The following CADM1 variants were observed in gnomAD, a reference collection of about 807,000 sequenced individuals.
CADM1 encodes TSLC-1.
CADM1 carries 15 observed loss-of-function variants against 53.1 expected under a neutral mutation model. The ratio of observed to expected loss-of-function variants is 0.28; its 90% CI spans 0.19 to 0.44. The LOEUF (loss-of-function observed/expected upper bound fraction) is 0.44, where lower values mean the gene tolerates loss of function less well. Ranked by LOEUF, CADM1 falls within the 20% of genes least tolerant of loss-of-function variation. CADM1 has a pLI of 1.00. For synonymous variants in CADM1, 281 were observed against 243.0 expected (o/e 1.16, Z -1.45); for missense variants, 434 against 611.3 (o/e 0.71, Z 3.06).
Position 115,227,570 on chromosome 11 carries a change from A to C in CADM1, c.721+1543T>G, listed in dbSNP as rs117364317. On this transcript the variant is annotated intron_variant, in intron 5 of 11. Coordinates refer to ENST00000331581, the MANE Select transcript of CADM1 (RefSeq NM_001301043.2). ...GCTTAAATGAATTACATATTAACAA[A>C]GTCACAAGAAATCTACTATCTGCTA... Among the ~76,000 whole-genome samples, 165 of 152,348 alleles carry C rather than the reference A, an allele frequency of 1.1e-3. 3 individuals are homozygous for C. The East Asian group carries it at 0.017, about 15-fold the overall frequency.
intron 1 of CADM1, among the ~76,000 whole-genome samples, chr11:115,322,115 T>C (rs1237867055): frequency 6.6e-6 from 1 of 152,168 alleles, no homozygotes; most frequent in Non-Finnish European, 1.5e-5. Flanking sequence ...TCAGCCTAAG[T>C]GAACAGGAGG....
In CADM1 at chr11:115,361,948, C is replaced by T. The variant is rs193007239; in HGVS notation, c.125-121528G>A. Among the ~76,000 whole-genome samples the T allele has an allele frequency of 8.0e-4, 121 of 152,132 alleles. No individual in the cohort carries two copies. In the East Asian group the frequency reaches 0.02, roughly 25 times the overall value. On this transcript the variant is annotated intron_variant, in intron 1 of 11. Coordinates refer to ENST00000331581, the MANE Select transcript of CADM1 (RefSeq NM_001301043.2). ...AGAGTTGAAGTCTCTCTCTGTTGCC[C>T]ATGCTGATCTCAAACTTCTGGGCTC...
intron 1 of CADM1, among the ~76,000 whole-genome samples, chr11:115,427,139 T>C (rs1165588629): frequency 1.3e-5 from 2 of 152,140 alleles, no homozygotes; most frequent in African/African-American, 4.8e-5. Context: ...ATGTGCACCC[T>C]CTATGGCCCA....
intron 1 of CADM1, among the ~76,000 whole-genome samples, chr11:115,311,670 T>C (rs1461522719): frequency 6.6e-6 from 1 of 152,084 alleles, no homozygotes; most frequent in African/African-American, 2.4e-5. Flanking sequence ...GCCCCCAGTT[T>C]GACAGATGGG....
intron 4 of CADM1, 141 bp from the exon 5 acceptor site, chr11:115,229,412 T>A (rs1175807602): frequency 1.3e-6 from 1 of 763,502 alleles, no homozygotes; most frequent in Non-Finnish European, 2.3e-6. Flanking sequence ...GAGAGTAACC[T>A]GTGGATAGTT....
chr11:115,193,156 G>C (rs1269402366), intron 9 of CADM1, among the ~76,000 whole-genome samples: 1 of 152,010 alleles, frequency 6.6e-6, no homozygotes, highest in Non-Finnish European at 1.5e-5. Flanking sequence ...TTTTCTCAAA[G>C]AAAAAGACAA....
chr11:115,398,917 GGA>G (rs1222036473), intron 1 of CADM1, among the ~76,000 whole-genome samples: 2 of 152,120 alleles, frequency 1.3e-5, no homozygotes, highest in East Asian at 3.9e-4. Flanking sequence ...ATAACAGGAG[GGA>G]GAGTTAGTCT....
At chr11:115,323,338 A>G (rs1944874077) in intron 1 of CADM1, among the ~76,000 whole-genome samples, 2 of 152,292 alleles carry the variant, frequency 1.3e-5, no homozygotes, top group East Asian at 3.9e-4. Flanking sequence ...ACATTTCCCA[A>G]CAAGCCACTG....
At chr11:115,309,684 G>C (rs920456987) in intron 1 of CADM1, among the ~76,000 whole-genome samples, 1 of 152,074 alleles carries the variant, frequency 6.6e-6, no homozygotes, top group African/African-American at 2.4e-5. Context: ...TGGACTAAAG[G>C]GCCAGCCGTG....
chr11:115,439,656 A>G (rs969404509), intron 1 of CADM1, among the ~76,000 whole-genome samples: 3 of 152,260 alleles, frequency 2.0e-5, no homozygotes, highest in African/African-American at 7.2e-5. Flanking sequence ...TCATGAATGT[A>G]CATCCATTTC....
rs112225898 is a variant in CADM1 at position 115,359,309 on chromosome 11, T to C, written c.125-118889A>G. On this transcript the variant is annotated intron_variant, in intron 1 of 11. Transcript: ENST00000331581. The stretch of plus-strand genomic sequence containing the variant: ...AGCAGATTATTAAGTAATTTGGGGA[T>C]ATAAAAATTAAATTAAAATTTCTCT... Among the ~76,000 whole-genome samples, 1,199 of 152,292 alleles carry C rather than the reference T, an allele frequency of 7.9e-3. 16 individuals carry two copies. The highest frequency in any genetic ancestry group is 0.026 in the African/African-American group (1,072 of 41,566).
chr11:115,344,372 G>A (rs538116996), intron 1 of CADM1, among the ~76,000 whole-genome samples: 2 of 152,174 alleles, frequency 1.3e-5, no homozygotes, highest in South Asian at 2.1e-4. Context: ...AGTCCGGTCC[G>A]CCAGGCTTAA....
rs377726355 is a variant in CADM1 at position 115,296,931 on chromosome 11, A to C, written c.125-56511T>G. 2.2e-4 allele frequency among the ~76,000 whole-genome samples: 33 copies of C among 152,356 alleles called. 1 individual carries two copies. In the East Asian group the frequency reaches 6.2e-3, roughly 28 times the overall value. On this transcript the variant is annotated intron_variant, in intron 1 of 11. Coordinates refer to ENST00000331581, the MANE Select transcript of CADM1 (RefSeq NM_001301043.2). The stretch of plus-strand genomic sequence containing the variant: ...TAATAAGTATTTGACAAGGGAATAC[A>C]TAAATAAATCAGTGAATTAAATTCC...
chr11:115,214,405 C>A (rs1941088148), intron 7 of CADM1: 1 of 596,882 alleles, frequency 1.7e-6, no homozygotes, highest in East Asian at 2.9e-5. Context: ...CTAGTAGAAA[C>A]ACCCACCATT....
intron 1 of CADM1, among the ~76,000 whole-genome samples, chr11:115,438,337 CT>C (rs1284538667): frequency 6.6e-6 from 1 of 152,026 alleles, no homozygotes; most frequent in Admixed American, 6.6e-5. Context: ...TTAATTCTGT[CT>C]TTCAGTAGCC....
At chr11:115,315,744 A>G (rs1387506998) in intron 1 of CADM1, among the ~76,000 whole-genome samples, 1 of 152,092 alleles carries the variant, frequency 6.6e-6, no homozygotes, top group Non-Finnish European at 1.5e-5. Flanking sequence ...GTATCTAAAT[A>G]CTATAGCGTG....
chr11:115,228,001 T>C (rs1941676231), intron 5 of CADM1, among the ~76,000 whole-genome samples: 1 of 152,240 alleles, frequency 6.6e-6, no homozygotes, highest in Admixed American at 6.5e-5. Flanking sequence ...CATTCTGGAT[T>C]ATCTGGGTGA....
chr11:115,461,334 A>C (rs183754201), intron 1 of CADM1, among the ~76,000 whole-genome samples: 15 of 152,288 alleles, frequency 9.8e-5, no homozygotes, highest in African/African-American at 3.4e-4. Flanking sequence ...ATAATATCTC[A>C]AAGAATGGAT....
intron 1 of CADM1, among the ~76,000 whole-genome samples, chr11:115,412,557 G>T (rs1947485194): frequency 6.6e-6 from 1 of 152,148 alleles, no homozygotes; most frequent in South Asian, 2.1e-4. Flanking sequence ...GGAAAACAAT[G>T]CAATCTTCCA....
Sources: allele counts gnomAD v4.1 joint callset (sites outside exome capture counted in the v4.1 genomes callset), GRCh38; gene constraint gnomAD v4.1.1; transcripts MANE v1.5; gene names NCBI Gene and HGNC (gene_info 2026-07-23, HGNC 2026-07-21).